COL25A1: variants seen among roughly 807,000 people sequenced by gnomAD.
COL25A1 encodes collagen type XXV alpha 1 chain.
In COL25A1, 103 loss-of-function variants were observed where a neutral mutation model predicts 128.4. That is an observed-to-expected ratio of 0.80 (90% CI 0.68 to 0.94). The LOEUF (loss-of-function observed/expected upper bound fraction) is 0.94. Among genes scored for constraint, COL25A1 ranks in the 40% least tolerant of loss-of-function variants. The pLI is 0.00. For missense variants in COL25A1, 745 were observed against 840.0 expected, an observed-to-expected ratio of 0.89 and a Z score of 1.40; for synonymous variants, 279 against 277.2, an observed-to-expected ratio of 1.01 and a Z score of -0.06.
At chr4:109,261,333 A>G (rs1257819291) in intron 3 of COL25A1, among the ~76,000 whole-genome samples, 2 of 152,120 alleles carry the variant, frequency 1.3e-5, no homozygotes, top group Non-Finnish European at 2.9e-5. Flanking sequence ...CCTGGTCAAC[A>G]TCACGAAACC....
intron 13 of COL25A1, among the ~76,000 whole-genome samples, chr4:108,916,246 G>A (rs907126282): frequency 5.3e-5 from 8 of 152,010 alleles, no homozygotes; most frequent in Non-Finnish European, 8.8e-5. Flanking sequence ...AAATCATTTC[G>A]TTTCCCTGGG....
chr4:108,901,492 C>G (rs1451161215), intron 13 of COL25A1, among the ~76,000 whole-genome samples: 3 of 152,106 alleles, frequency 2.0e-5, no homozygotes, highest in Non-Finnish European at 4.4e-5. Context: ...TAAAAGACAA[C>G]TGAAAATATA....
At chr4:108,912,642 A>G (rs1578745069) in intron 13 of COL25A1, among the ~76,000 whole-genome samples, 1 of 152,180 alleles carries the variant, frequency 6.6e-6, no homozygotes, top group South Asian at 2.1e-4. Context: ...CAGTAAATAT[A>G]TAAATAAATA....
At chr4:109,178,902 T>C (rs1578368103) in intron 3 of COL25A1, among the ~76,000 whole-genome samples, 1 of 151,762 alleles carries the variant, frequency 6.6e-6, no homozygotes, top group Admixed American at 6.6e-5. Context: ...ACATGAATTT[T>C]GAGACTCAAA....
At chr4:109,134,106 G>A (rs779753187) in intron 3 of COL25A1, among the ~76,000 whole-genome samples, 9 of 151,720 alleles carry the variant, frequency 5.9e-5, no homozygotes, top group African/African-American at 1.4e-4. Context: ...GAAAAAAAAC[G>A]GTGTGTTCAA....
chr4:108,928,502 T>TTATTTATTTATG (rs36231095), intron 11 of COL25A1, among the ~76,000 whole-genome samples: 18,626 of 141,760 alleles, frequency 0.13, 1,406 homozygotes, highest in Non-Finnish European at 0.15. Context: ...ATTTTTAATT[T>TTATTTATTTATG]TATTTATTTA....
At chr4:108,985,863 T>C (rs62314656) in intron 6 of COL25A1, among the ~76,000 whole-genome samples, 1 of 152,118 alleles carries the variant, frequency 6.6e-6, no homozygotes, top group African/African-American at 2.4e-5. Flanking sequence ...CATTCTCAAG[T>C]GGTCACCAGA....
chr4:108,822,069 G>T (rs755213552), intron 35 of COL25A1, among the ~76,000 whole-genome samples: 1 of 20,658 alleles, frequency 4.8e-5, no homozygotes, highest in African/African-American at 1.9e-4. Context: ...TTGGGACAGG[G>T]TCTCACTCTT....
At position 108,987,660 on chromosome 4, in the gene COL25A1, C is replaced by T. The variant is rs372672530; in HGVS notation, c.439-13101G>A. Among the ~76,000 whole-genome samples, 54 of 152,312 alleles carry T rather than the reference C, an allele frequency of 3.5e-4. No homozygotes were observed. The South Asian group carries it at 9.9e-3, about 28-fold the overall frequency. ...AAGTGCTGGGATTACACAGGTGAGCCACCGCGCCCGGCCGTGCATACCTTT... is the reference window on the plus strand; with the variant it reads ...AAGTGCTGGGATTACACAGGTGAGCTACCGCGCCCGGCCGTGCATACCTTT... On this transcript the variant is annotated intron_variant, in intron 6 of 37. Coordinates refer to ENST00000399132, the MANE Select transcript of COL25A1 (RefSeq NM_198721.4).
chr4:108,967,045 T>A (rs1021053158), intron 8 of COL25A1, among the ~76,000 whole-genome samples: 1 of 152,184 alleles, frequency 6.6e-6, no homozygotes, highest in Non-Finnish European at 1.5e-5. Context: ...AGAGAATACA[T>A]GGAAAATGTA....
chr4:109,198,805 G>C (rs1253402282), intron 3 of COL25A1, among the ~76,000 whole-genome samples: 1 of 152,154 alleles, frequency 6.6e-6, no homozygotes, highest in Non-Finnish European at 1.5e-5. Context: ...ATGCTTTCCT[G>C]AAGACTTCTA....
intron 3 of COL25A1, among the ~76,000 whole-genome samples, chr4:109,147,964 T>C (rs1052004423): frequency 6.6e-6 from 1 of 152,168 alleles, no homozygotes; most frequent in Non-Finnish European, 1.5e-5. Flanking sequence ...AAGGTCAGGA[T>C]CGCTGAGCTA....
chr4:108,964,001 T>C (rs1293549762), intron 8 of COL25A1, among the ~76,000 whole-genome samples: 7 of 150,804 alleles, frequency 4.6e-5, no homozygotes, highest in Admixed American at 2.0e-4. Context: ...ATCTCTTTAC[T>C]CCATAAAATG....
At chr4:109,225,519 C>T (rs902639281) in intron 3 of COL25A1, among the ~76,000 whole-genome samples, 7 of 152,084 alleles carry the variant, frequency 4.6e-5, no homozygotes, top group South Asian at 2.1e-4. Flanking sequence ...AAATTAGTAC[C>T]GCCTCTATGG....
intron 3 of COL25A1, among the ~76,000 whole-genome samples, chr4:109,093,405 A>G (rs2126011306): frequency 6.9e-6 from 1 of 145,722 alleles, no homozygotes; most frequent in Middle Eastern, 3.6e-3. Flanking sequence ...GGGTCACTTG[A>G]GGCCAGGAGT....
intron 3 of COL25A1, among the ~76,000 whole-genome samples, chr4:109,130,407 G>A (rs1769073272): frequency 6.6e-6 from 1 of 152,032 alleles, no homozygotes; most frequent in South Asian, 2.1e-4. Flanking sequence ...CACATAAATA[G>A]ATGTCCCAAA....
At chr4:109,050,099 C>T (rs1560597848) in intron 4 of COL25A1, 36 bp downstream of exon 4, 1 of 1,579,588 alleles carries the variant, frequency 6.3e-7, no homozygotes, top group Non-Finnish European at 8.7e-7. Flanking sequence ...TTAACCAGAA[C>T]ATGAGTGACA....
At chr4:108,838,098 T>C (rs2125743315) in intron 31 of COL25A1, 1 of 1,546,588 alleles carries the variant, frequency 6.5e-7, no homozygotes, top group East Asian at 2.4e-5. Flanking sequence ...CTTTACTTAC[T>C]GGAAGACCAA....
At chr4:109,241,845 C>T (rs1779915954) in intron 3 of COL25A1, among the ~76,000 whole-genome samples, 1 of 152,048 alleles carries the variant, frequency 6.6e-6, no homozygotes, top group Non-Finnish European at 1.5e-5. Flanking sequence ...CAGACAACTA[C>T]CTCCATGACT....
Sources: allele counts gnomAD v4.1 joint callset (sites outside exome capture counted in the v4.1 genomes callset), GRCh38; gene constraint gnomAD v4.1.1; transcripts MANE v1.5; gene names NCBI Gene and HGNC (gene_info 2026-07-23, HGNC 2026-07-21).